EYS: variants seen among roughly 807,000 people sequenced by gnomAD.
EYS encodes the protein EGF-like photoreceptor maintenance factor.
EYS carries 250 observed loss-of-function variants against 282.1 expected under a neutral mutation model. The ratio of observed to expected loss-of-function variants is 0.89; its 90% confidence interval spans 0.80 to 0.98. The LOEUF (loss-of-function observed/expected upper bound fraction) is 0.98, where lower values mean the gene tolerates loss of function less well. Ranked by LOEUF, EYS falls within the 50% of genes least tolerant of loss-of-function variation. The pLI is 0.00. For synonymous variants in EYS, 1,355 were observed against 1,282.9 expected (o/e 1.06, Z -1.20); for missense variants, 4,016 against 3,709.0 (o/e 1.08, Z -2.15).
Position 65,349,378 on chromosome 6 carries a change from A to G in EYS, c.1459+4080T>C, listed in dbSNP as rs73744317. ...CATTAAGAAATAAGATGTCAATTTC[A>G]TAGAACACAAAGATAACACCATTAT... On this transcript the variant is annotated intron_variant, in intron 9 of 42. Transcript: ENST00000503581. 6.5e-3 allele frequency among the ~76,000 whole-genome samples: 980 copies of G among 151,658 alleles called. 12 individuals are homozygous for G. Among genetic ancestry groups the G allele is most frequent in the African/African-American group, 0.022 (933 of 41,490 alleles).
chr6:64,635,547 T>C (rs1001528693), intron 22 of EYS, among the ~76,000 whole-genome samples: 2 of 152,250 alleles, frequency 1.3e-5, no homozygotes, highest in South Asian at 4.1e-4. Flanking sequence ...TTGTTGAATT[T>C]TGTCAAAGGC....
chr6:63,814,865 A>T (rs1771140448), intron 36 of EYS, among the ~76,000 whole-genome samples: 1 of 152,200 alleles, frequency 6.6e-6, no homozygotes, highest in African/African-American at 2.4e-5. Context: ...TTCATATTAC[A>T]TAAGCTGTGC....
chr6:64,031,121 C>T (rs561363831), intron 33 of EYS, among the ~76,000 whole-genome samples: 12 of 152,332 alleles, frequency 7.9e-5, no homozygotes, highest in South Asian at 4.1e-4. Flanking sequence ...TGGCCAAGGC[C>T]GGAGCTGGCT....
chr6:65,404,732 G>T (rs565473350), intron 6 of EYS, among the ~76,000 whole-genome samples: 1 of 151,936 alleles, frequency 6.6e-6, no homozygotes, highest in Non-Finnish European at 1.5e-5. Flanking sequence ...TTTTCAGAGT[G>T]TTAGTAACAA....
At chr6:64,826,369 T>C (rs1765056341) in intron 19 of EYS, among the ~76,000 whole-genome samples, 2 of 151,950 alleles carry the variant, frequency 1.3e-5, no homozygotes, top group Admixed American at 1.3e-4. Context: ...GAAATAATTT[T>C]CAGCTTGTGG....
At chr6:65,456,225 G>T (rs1343780768) in intron 5 of EYS, among the ~76,000 whole-genome samples, 1 of 152,014 alleles carries the variant, frequency 6.6e-6, no homozygotes, top group African/African-American at 2.4e-5. Flanking sequence ...AGCTGAGGCA[G>T]GCGAATCACG....
intron 33 of EYS, among the ~76,000 whole-genome samples, chr6:64,001,746 A>G (rs1407750044): frequency 2.0e-5 from 3 of 152,242 alleles, no homozygotes; most frequent in Admixed American, 6.5e-5. Flanking sequence ...CGTGAAATAG[A>G]AAAAGGGATA....
intron 14 of EYS, among the ~76,000 whole-genome samples, chr6:64,958,103 A>G (rs926055637): frequency 8.6e-5 from 13 of 152,020 alleles, no homozygotes; most frequent in African/African-American, 2.4e-4. Flanking sequence ...CTGTATATAT[A>G]TCACACATAA....
chr6:64,510,988 C>G (rs1777373125), intron 26 of EYS, among the ~76,000 whole-genome samples: 1 of 152,010 alleles, frequency 6.6e-6, no homozygotes, highest in South Asian at 2.1e-4. Flanking sequence ...TCAGCTTCAT[C>G]TGTTCTGTCC....
rs533529286 is a variant in EYS at position 65,622,516 on chromosome 6, T to C, written c.-333+17262A>G. On this transcript the variant is annotated intron_variant, in intron 2 of 42. Coordinates refer to ENST00000503581, the MANE Select transcript of EYS (RefSeq NM_001142800.2). ...CACATTATTCAATTATGGTAAGTAA[T>C]TTGCATATTTTTTCTTATTTAAGAT... 2.4e-4 allele frequency among the ~76,000 whole-genome samples: 37 copies of C among 152,164 alleles called. No individual in the cohort carries two copies. The South Asian group carries it at 7.7e-3, about 32-fold the overall frequency.
intron 35 of EYS, among the ~76,000 whole-genome samples, chr6:63,953,071 A>G (rs1433951759): frequency 6.6e-6 from 1 of 152,130 alleles, no homozygotes; most frequent in African/African-American, 2.4e-5. Context: ...CCCAACCCAT[A>G]CACTATTTTG....
At chr6:65,270,657 CAAG>C (rs1767873783) in intron 12 of EYS, among the ~76,000 whole-genome samples, 1 of 152,036 alleles carries the variant, frequency 6.6e-6, no homozygotes, top group African/African-American at 2.4e-5. Context: ...CAGAAAGAAG[CAAG>C]CACTTCTTCA....
intron 30 of EYS, among the ~76,000 whole-genome samples, chr6:64,273,364 T>C (rs1276437060): frequency 2.0e-5 from 3 of 152,214 alleles, no homozygotes; most frequent in African/African-American, 7.2e-5. Context: ...TTTAACGTCA[T>C]TGTTGGTTAA....
chr6:65,518,382 A>G (rs1207316644), intron 2 of EYS, among the ~76,000 whole-genome samples: 2 of 152,104 alleles, frequency 1.3e-5, no homozygotes, highest in Non-Finnish European at 2.9e-5. Context: ...CAGTTTTTGT[A>G]TGTGTATTTC....
chr6:64,037,617 C>A (rs1341742615), intron 33 of EYS, among the ~76,000 whole-genome samples: 1 of 152,072 alleles, frequency 6.6e-6, no homozygotes, highest in Non-Finnish European at 1.5e-5. Flanking sequence ...AAACTACTCC[C>A]CTTGGCAGCA....
intron 19 of EYS, among the ~76,000 whole-genome samples, chr6:64,867,900 T>G (rs751484460): frequency 4.6e-5 from 7 of 151,590 alleles, no homozygotes; most frequent in Non-Finnish European, 1.0e-4. Flanking sequence ...TGAACTTTCA[T>G]TAGACAACTG....
intron 37 of EYS, among the ~76,000 whole-genome samples, chr6:63,795,691 T>C (rs79643682): frequency 0.06 from 9,124 of 152,246 alleles, 390 homozygotes; most frequent in Non-Finnish European, 0.086. Context: ...ATACTGGTAG[T>C]TCTCCAACCT....
rs565761329 is a variant in EYS at position 64,482,010 on chromosome 6, G to A, written c.5645-42658C>T. ...ACCTGGGACAACGGAGGTGAGGTGAGCTCAGGTTTGGTTAACTCAGCCCTA... is the reference window on the plus strand; with the variant it reads ...ACCTGGGACAACGGAGGTGAGGTGAACTCAGGTTTGGTTAACTCAGCCCTA... On this transcript the variant is annotated intron_variant, in intron 26 of 42. Transcript: ENST00000503581. 4.6e-5 allele frequency among the ~76,000 whole-genome samples: 7 copies of A among 151,794 alleles called. No individual in the cohort carries two copies. The South Asian group carries it at 1.5e-3, about 31-fold the overall frequency.
intron 2 of EYS, among the ~76,000 whole-genome samples, chr6:65,567,663 T>C (rs975037579): frequency 6.6e-6 from 1 of 152,164 alleles, no homozygotes; most frequent in Admixed American, 6.6e-5. Flanking sequence ...TTACACTTGG[T>C]GAAGTTATAT....
Sources: gnomAD v4.1 joint callset for allele counts (sites outside exome capture counted in the v4.1 genomes callset) on GRCh38, gnomAD v4.1.1 for gene constraint, MANE v1.5 for transcripts, NCBI Gene and HGNC (gene_info 2026-07-23, HGNC 2026-07-21) for gene names.